The following CFAP77 variants were observed in gnomAD, a reference collection of about 807,000 sequenced individuals.
CFAP77 encodes cilia and flagella associated protein 77.
CFAP77 carries 25 observed loss-of-function variants against 31.1 expected under a neutral mutation model. That is an observed-to-expected ratio of 0.80 (90% CI 0.59 to 1.12). The LOEUF (loss-of-function observed/expected upper bound fraction) is 1.12. CFAP77 is among the 50% of genes most tolerant of loss of function. The pLI is 0.00. For synonymous variants in CFAP77, 151 were observed against 159.9 expected (o/e 0.94, Z 0.42); for missense variants, 377 against 397.3 (o/e 0.95, Z 0.44).
At chr9:132,439,625 T>A (rs1045726931) in intron 1 of CFAP77, among the ~76,000 whole-genome samples, 9 of 151,982 alleles carry the variant, frequency 5.9e-5, no homozygotes, top group Non-Finnish European at 1.3e-4. Context: ...GGCGGGCAGA[T>A]CACGAGGTCA....
intron 1 of CFAP77, among the ~76,000 whole-genome samples, chr9:132,492,668 C>T (rs1303967115): frequency 6.6e-6 from 1 of 152,192 alleles, no homozygotes; most frequent in Non-Finnish European, 1.5e-5. Context: ...GTGGTTACAC[C>T]ACGTTACAGG....
chr9:132,455,558 T>C lies in CFAP77; in HGVS notation c.196-43137T>C, dbSNP rs1243565522. 6.6e-6 allele frequency among the ~76,000 whole-genome samples: 1 copy of C among 150,612 alleles called. No homozygotes were observed. Among genetic ancestry groups the C allele is most frequent in the East Asian group, 2.0e-4 (1 of 5,116 alleles). On this transcript the variant is annotated intron_variant, in intron 1 of 5. Transcript: ENST00000393216. The surrounding 1 kb of genome is among the most constrained non-coding windows in gnomAD (Gnocchi z 4.1). ...CAGCCTGGGCAACATGGCGAGACCC[T>C]ATCTCTACTAAAAATACAAAAAAAT...
Position 132,428,540 on chromosome 9 carries a change from G to A in CFAP77, c.195+18074G>A, listed in dbSNP as rs112148886. Reference sequence around the variant, plus strand: ...TGAGACAGGAGAATCACTTGAACCCGGGAGGCGGAGGTTGTAGTGAGCCAA... The same window carrying A: ...TGAGACAGGAGAATCACTTGAACCCAGGAGGCGGAGGTTGTAGTGAGCCAA... On this transcript the variant is annotated intron_variant, in intron 1 of 5. Coordinates refer to ENST00000393216, the MANE Select transcript of CFAP77 (RefSeq NM_001282957.2). Among the ~76,000 whole-genome samples, 661 of 152,196 alleles carry A rather than the reference G, an allele frequency of 4.3e-3. 3 individuals carry two copies. The highest frequency in any genetic ancestry group is 0.015 in the African/African-American group (640 of 41,544).
chr9:132,434,948 G>A (rs910551814), intron 1 of CFAP77, among the ~76,000 whole-genome samples: 13 of 152,204 alleles, frequency 8.5e-5, no homozygotes, highest in African/African-American at 2.7e-4. Flanking sequence ...GCCAGAAAGG[G>A]CCTTTCTGTG....
intron 1 of CFAP77, among the ~76,000 whole-genome samples, chr9:132,441,947 T>A (rs1377741794): frequency 6.6e-6 from 1 of 152,230 alleles, no homozygotes; most frequent in Non-Finnish European, 1.5e-5. Flanking sequence ...TCTGTGTGCA[T>A]ATTCCAGTTT....
At chr9:132,470,702 G>T (rs555453635) in intron 1 of CFAP77, among the ~76,000 whole-genome samples, 1 of 152,206 alleles carries the variant, frequency 6.6e-6, no homozygotes, top group East Asian at 1.9e-4. Flanking sequence ...GCCTTTGTGC[G>T]CCCGTTTAAA....
chr9:132,486,641 C>T (rs1257225224), intron 1 of CFAP77, among the ~76,000 whole-genome samples: 3 of 152,262 alleles, frequency 2.0e-5, no homozygotes, highest in Non-Finnish European at 4.4e-5. Context: ...GCGTTTCCCC[C>T]TCATTCCCCT....
chr9:132,507,390 C>T (rs1053318306), intron 3 of CFAP77, among the ~76,000 whole-genome samples: 1 of 152,186 alleles, frequency 6.6e-6, no homozygotes, highest in Non-Finnish European at 1.5e-5. Context: ...CACCCCCAAT[C>T]CTGGTGCAGA....
chr9:132,509,607 A>T (rs1317700466), intron 3 of CFAP77, among the ~76,000 whole-genome samples: 1 of 152,142 alleles, frequency 6.6e-6, no homozygotes, highest in Non-Finnish European at 1.5e-5. Context: ...CATCTCTACT[A>T]AAAATACAAA....
intron 3 of CFAP77, among the ~76,000 whole-genome samples, chr9:132,500,227 C>G (rs549266710): frequency 6.6e-6 from 1 of 151,782 alleles, no homozygotes; most frequent in African/African-American, 2.4e-5. Context: ...TACCCAAGCA[C>G]GGCACCACCC....
chr9:132,429,408 G>GCAT (rs1369110230), intron 1 of CFAP77, among the ~76,000 whole-genome samples: 5 of 151,586 alleles, frequency 3.3e-5, no homozygotes, highest in African/African-American at 9.7e-5. Flanking sequence ...GGGTGGTGGC[G>GCAT]GTTCCTGTAG....
chr9:132,499,694 C>A lies in CFAP77; in HGVS notation c.524+94C>A. On this transcript the variant is annotated intron_variant, in intron 3 of 5. Coordinates refer to ENST00000393216, the MANE Select transcript of CFAP77 (RefSeq NM_001282957.2). The surrounding 1 kb of genome is among the most constrained non-coding windows in gnomAD (Gnocchi z 5.4). ...GTCGGAGGGTGACAGGGAAGTGGAGCATCCTCCCAGCCCCACTGTCCTCTC... is the reference window on the plus strand; with the variant it reads ...GTCGGAGGGTGACAGGGAAGTGGAGAATCCTCCCAGCCCCACTGTCCTCTC... 9.0e-7 allele frequency: 1 copy of A among 1,110,000 alleles called. No individual in the cohort carries two copies. Among genetic ancestry groups the A allele is most frequent in the Non-Finnish European group, 1.3e-6 (1 of 742,702 alleles). 68.8% of individuals were successfully genotyped at this position (1,110,000 alleles called of 1,614,324 possible).
chr9:132,436,000 C>T (rs991326654), intron 1 of CFAP77, among the ~76,000 whole-genome samples: 2 of 152,102 alleles, frequency 1.3e-5, no homozygotes, highest in African/African-American at 2.4e-5. Context: ...GCAGCAGGTG[C>T]GCATTCCCCA....
At chr9:132,461,115 C>T (rs1851042119) in intron 1 of CFAP77, among the ~76,000 whole-genome samples, 1 of 152,186 alleles carries the variant, frequency 6.6e-6, no homozygotes, top group Non-Finnish European at 1.5e-5. Flanking sequence ...ACTCAAAGCC[C>T]TCCGCACAGT....
chr9:132,447,518 G>A (rs504557), intron 1 of CFAP77, among the ~76,000 whole-genome samples: 13,788 of 152,256 alleles, frequency 0.091, 742 homozygotes, highest in South Asian at 0.16. Flanking sequence ...CGTGATCCCT[G>A]CTCCTGCCAC....
chr9:132,502,646 C>T (rs147399076), intron 3 of CFAP77, among the ~76,000 whole-genome samples: 11 of 152,318 alleles, frequency 7.2e-5, no homozygotes, highest in East Asian at 1.9e-4. Flanking sequence ...TGTTATAGCA[C>T]GCATGTGAAT....
chr9:132,411,868 C>CT (rs1378695060), intron 1 of CFAP77, among the ~76,000 whole-genome samples: 9 of 148,010 alleles, frequency 6.1e-5, no homozygotes, highest in African/African-American at 2.3e-4. Context: ...TGTACACACA[C>CT]ACACACACAC....
chr9:132,474,386 G>A (rs754566623), intron 1 of CFAP77, among the ~76,000 whole-genome samples: 3 of 152,102 alleles, frequency 2.0e-5, no homozygotes, highest in Non-Finnish European at 4.4e-5. Context: ...ATAAAACTGC[G>A]ACTCCGGATC....
intron 1 of CFAP77, among the ~76,000 whole-genome samples, chr9:132,469,960 C>G (rs1488513415): frequency 6.6e-6 from 1 of 152,038 alleles, no homozygotes; most frequent in Non-Finnish European, 1.5e-5. Flanking sequence ...CTGCCTCAAC[C>G]TCCCAAGTAG....
Sources: allele counts gnomAD v4.1 joint callset (sites outside exome capture counted in the v4.1 genomes callset), GRCh38; gene constraint gnomAD v4.1.1; non-coding constraint Gnocchi (gnomAD v3.1); transcripts MANE v1.5; gene names NCBI Gene and HGNC (gene_info 2026-07-23, HGNC 2026-07-21).